DACH2: variants seen among roughly 807,000 people sequenced by gnomAD.
DACH2 encodes dachshund family transcription factor 2.
DACH2 carries 17 observed loss-of-function variants against 35.8 expected under a neutral mutation model. That is an observed-to-expected ratio of 0.48 (90% CI 0.33 to 0.71). The LOEUF (loss-of-function observed/expected upper bound fraction) is 0.71. Among genes scored for constraint, DACH2 ranks in the 30% least tolerant of loss-of-function variants. The pLI, the probability that DACH2 is intolerant of heterozygous loss-of-function variation, is 0.02. For missense variants in DACH2, 469 were observed against 472.7 expected (o/e 0.99, Z 0.07); for synonymous variants, 195 against 177.3 (o/e 1.10, Z -0.79).
At chrX:86,288,521 G>C (rs908984764) in intron 1 of DACH2, among the ~76,000 whole-genome samples, 1 of 112,210 alleles carries the variant, frequency 8.9e-6, no homozygotes, top group African/African-American at 3.2e-5. Flanking sequence ...TGTCTGGGAG[G>C]CAGGCCCTAG....
intron 2 of DACH2, among the ~76,000 whole-genome samples, chrX:86,403,671 C>T (rs1289537569): frequency 9.0e-6 from 1 of 111,629 alleles, no homozygotes; most frequent in Non-Finnish European, 1.9e-5. Context: ...ACCATTTGGC[C>T]CAGCAGTTCC....
At chrX:86,437,424 T>A (rs1268958885) in intron 2 of DACH2, among the ~76,000 whole-genome samples, 1 of 111,676 alleles carries the variant, frequency 9.0e-6, no homozygotes, top group East Asian at 2.8e-4. Context: ...CCAACTTCTA[T>A]CCATTCCTCC....
At chrX:86,402,545 G>C (rs1043907290) in intron 2 of DACH2, among the ~76,000 whole-genome samples, 2 of 111,334 alleles carry the variant, frequency 1.8e-5, no homozygotes, top group African/African-American at 6.5e-5. Flanking sequence ...ACAAATAAAT[G>C]AGAAATATTC....
intron 1 of DACH2, among the ~76,000 whole-genome samples, chrX:86,228,927 C>T (rs1458581814): frequency 8.9e-6 from 1 of 111,788 alleles, no homozygotes; most frequent in Non-Finnish European, 1.9e-5. Flanking sequence ...TCTGTACACT[C>T]TGTTGACTGT....
chrX:86,514,208 A>C, intron 2 of DACH2, 71 bp from the exon 3 acceptor site: 1 of 909,588 alleles, frequency 1.1e-6, no homozygotes, highest in Non-Finnish European at 1.6e-6. Context: ...AAAGGTAAAT[A>C]TTGCAAGTGA....
intron 3 of DACH2, among the ~76,000 whole-genome samples, chrX:86,528,215 G>T (rs760334583): frequency 9.0e-6 from 1 of 111,560 alleles, no homozygotes; most frequent in East Asian, 2.8e-4. Context: ...CTTAGGGTCA[G>T]TCTAGTATAT....
intron 2 of DACH2, among the ~76,000 whole-genome samples, chrX:86,456,042 G>C (rs184097409): frequency 8.9e-6 from 1 of 112,059 alleles, no homozygotes; most frequent in Non-Finnish European, 1.9e-5. Flanking sequence ...TCCCTGGCAG[G>C]GTAGCACAAT....
At chrX:86,454,795 G>A (rs1455477027) in intron 2 of DACH2, among the ~76,000 whole-genome samples, 1 of 111,961 alleles carries the variant, frequency 8.9e-6, no homozygotes, top group Non-Finnish European at 1.9e-5. Context: ...CTCAGCCTCA[G>A]CCCACTTCTG....
At chrX:86,523,239 A>G (rs1465013612) in intron 3 of DACH2, among the ~76,000 whole-genome samples, 2 of 111,705 alleles carry the variant, frequency 1.8e-5, no homozygotes, top group African/African-American at 3.3e-5. Flanking sequence ...AACCAAAAGT[A>G]GAATTACATC....
intron 1 of DACH2, among the ~76,000 whole-genome samples, chrX:86,282,482 C>T (rs753935062): frequency 3.7e-4 from 41 of 111,240 alleles, no homozygotes; most frequent in East Asian, 1.1e-3. Context: ...CCCTTCCTTA[C>T]ACCTTATATA....
chrX:86,658,681 G>A (rs1193252510), intron 4 of DACH2, among the ~76,000 whole-genome samples: 1 of 111,750 alleles, frequency 8.9e-6, no homozygotes, highest in African/African-American at 3.2e-5. Context: ...GCTGTAGAGA[G>A]TTTGTGGGAA....
intron 1 of DACH2, among the ~76,000 whole-genome samples, chrX:86,372,131 G>A (rs1305886051): frequency 9.0e-6 from 1 of 111,059 alleles, no homozygotes; most frequent in Non-Finnish European, 1.9e-5. Flanking sequence ...GAATGATATT[G>A]TATCTGTGAG....
At chrX:86,705,183 A>T (rs769421714) in intron 5 of DACH2, among the ~76,000 whole-genome samples, 57 of 109,738 alleles carry the variant, frequency 5.2e-4, no homozygotes, top group Non-Finnish European at 2.5e-4. Flanking sequence ...TAAGTGAAGT[A>T]ACTCAGGAAT....
intron 4 of DACH2, among the ~76,000 whole-genome samples, chrX:86,671,724 T>C (rs1254913722): frequency 8.9e-6 from 1 of 112,029 alleles, no homozygotes; most frequent in Admixed American, 9.5e-5. Flanking sequence ...TATTTCTTTA[T>C]AGCAATATGA....
At chrX:86,275,476 C>A (rs1458174197) in intron 1 of DACH2, among the ~76,000 whole-genome samples, 1 of 111,308 alleles carries the variant, frequency 9.0e-6, no homozygotes, top group African/African-American at 3.3e-5. Context: ...TTGATCCAAG[C>A]ATACAATGTG....
chrX:86,656,037 C>CT (rs915503667), intron 4 of DACH2, among the ~76,000 whole-genome samples: 8 of 101,070 alleles, frequency 7.9e-5, no homozygotes, highest in Non-Finnish European at 1.0e-4. Flanking sequence ...GCTCCCCCCC[C>CT]CCACTAATCT....
intron 2 of DACH2, among the ~76,000 whole-genome samples, chrX:86,399,389 T>C (rs1016003181): frequency 8.9e-6 from 1 of 111,736 alleles, no homozygotes; most frequent in Non-Finnish European, 1.9e-5. Flanking sequence ...ACATTTAAGG[T>C]TAGTACTGTT....
intron 2 of DACH2, among the ~76,000 whole-genome samples, chrX:86,465,193 A>T (rs771072836): frequency 3.6e-5 from 4 of 112,225 alleles, no homozygotes; most frequent in Non-Finnish European, 7.5e-5. Context: ...TATCCTTTCA[A>T]AACAAACAAA....
intron 1 of DACH2, among the ~76,000 whole-genome samples, chrX:86,317,616 A>G (rs1191196173): frequency 8.9e-6 from 1 of 112,256 alleles, no homozygotes. Flanking sequence ...TTGCAAAATA[A>G]ACTTTAGTCT....
Sources: gnomAD v4.1 joint callset for allele counts (sites outside exome capture counted in the v4.1 genomes callset) on GRCh38, gnomAD v4.1.1 for gene constraint, MANE v1.5 for transcripts, NCBI Gene and HGNC (gene_info 2026-07-23, HGNC 2026-07-21) for gene names.